Variants in CDK8 observed in about 807,000 individuals in gnomAD.
CDK8 encodes the protein cyclin dependent kinase 8, also known as cyclin-dependent kinase 8.
In CDK8, 29 loss-of-function variants were observed where a neutral mutation model predicts 71.5. The ratio of observed to expected loss-of-function variants is 0.41; its 90% CI spans 0.30 to 0.55. The LOEUF is 0.55. CDK8 is among the 20% of genes least tolerant of loss of function. The pLI is 0.37. For missense variants in CDK8, 288 were observed against 572.6 expected, an observed-to-expected ratio of 0.50 and a Z score of 5.07; for synonymous variants, 161 against 192.1, an observed-to-expected ratio of 0.84 and a Z score of 1.34.
chr13:26,277,179 T>G (rs1872591001), intron 1 of CDK8, among the ~76,000 whole-genome samples: 1 of 152,254 alleles, frequency 6.6e-6, no homozygotes, highest in South Asian at 2.1e-4. Context: ...AATGCTTTAG[T>G]GTACTGAGTT....
chr13:26,356,082 A>G (rs887358061), intron 4 of CDK8, among the ~76,000 whole-genome samples: 1 of 152,184 alleles, frequency 6.6e-6, no homozygotes, highest in African/African-American at 2.4e-5. Flanking sequence ...TAGGGGTAGT[A>G]TAGAACAGAT....
Position 26,294,965 on chromosome 13 carries a change from A to G in CDK8, c.128+40196A>G, listed in dbSNP as rs543934375. On this transcript the variant is annotated intron_variant, in intron 1 of 12. Coordinates refer to ENST00000381527, the MANE Select transcript of CDK8 (RefSeq NM_001260.3). ...GGGTTTCACCATGTTGGCCAGGATG[A>G]TCTCGATCCCTTGACCTCGTGATCT... 1.0e-3 allele frequency among the ~76,000 whole-genome samples: 152 copies of G among 152,038 alleles called. 1 individual carries two copies. The highest frequency in any genetic ancestry group is 3.5e-3 in the African/African-American group (144 of 41,494).
intron 6 of CDK8, among the ~76,000 whole-genome samples, chr13:26,391,137 TG>T (rs763894183): frequency 1.6e-3 from 246 of 151,902 alleles, no homozygotes; most frequent in African/African-American, 5.7e-3. Flanking sequence ...AAAGGAAGAA[TG>T]GTAAAATTGA....
chr13:26,360,781 A>G (rs1003014461), intron 4 of CDK8, among the ~76,000 whole-genome samples: 4 of 152,338 alleles, frequency 2.6e-5, no homozygotes, highest in East Asian at 1.9e-4. Context: ...ATGCTTATGC[A>G]TATCTACAGA....
rs1450379647 is a variant in CDK8, at chr13:26,404,062, A to T, written c.1376A>T (p.His459Leu). ...ATSQQPPQYS[H>L]QTHRY Reference sequence around the variant, plus strand: ...TCCCAGCAGCCTCCACAGTACTCACATCAGACACATCGGTACTGAGCTGCA... The same window carrying T: ...TCCCAGCAGCCTCCACAGTACTCACTTCAGACACATCGGTACTGAGCTGCA... Residue 459 changes from histidine to leucine, a missense_variant, in exon 13 of 13, where the codon CAT becomes CTT. Physicochemically the swap from His to Leu is moderately conservative, Grantham distance 99 (BLOSUM62 -3). Around this residue, in one of 6 missense-constraint regions of CDK8, gnomAD observed 76 missense variants for 99.7 expected, o/e 0.76. Coordinates refer to ENST00000381527, the MANE Select transcript of CDK8 (RefSeq NM_001260.3). 1 of 1,613,910 alleles carries T rather than the reference A, an allele frequency of 6.2e-7. No homozygotes were observed. The highest frequency in any genetic ancestry group is 8.5e-7 in the Non-Finnish European group (1 of 1,179,984).
intron 5 of CDK8, among the ~76,000 whole-genome samples, chr13:26,383,395 G>A (rs1875325539): frequency 6.6e-6 from 1 of 152,066 alleles, no homozygotes; most frequent in African/African-American, 2.4e-5. Context: ...AAAAAATAAT[G>A]GGCATTCTGT....
chr13:26,336,485 G>A (rs1872988452), intron 1 of CDK8, among the ~76,000 whole-genome samples: 2 of 151,744 alleles, frequency 1.3e-5, no homozygotes, highest in African/African-American at 4.8e-5. Context: ...AGAATAAAGG[G>A]GTTCTGGGAC....
chr13:26,385,162 T>C (rs1376186024), intron 5 of CDK8, 49 bp from the exon 6 acceptor site: 1 of 1,493,242 alleles, frequency 6.7e-7, no homozygotes, highest in Non-Finnish European at 9.2e-7. Context: ...ATTGGTTAGA[T>C]TTGTAAAAAT....
intron 1 of CDK8, among the ~76,000 whole-genome samples, chr13:26,327,073 C>T (rs911500506): frequency 6.6e-6 from 1 of 152,010 alleles, no homozygotes; most frequent in African/African-American, 2.4e-5. Context: ...ATACTGAAAT[C>T]TAGAAACAAA....
At chr13:26,381,932 C>A (rs1269350843) in intron 4 of CDK8, among the ~76,000 whole-genome samples, 1 of 152,148 alleles carries the variant, frequency 6.6e-6, no homozygotes, top group Non-Finnish European at 1.5e-5. Context: ...TGATTTATGT[C>A]AGTATCCGAA....
At chr13:26,329,233 G>GT (rs1275481153) in intron 1 of CDK8, among the ~76,000 whole-genome samples, 2 of 152,052 alleles carry the variant, frequency 1.3e-5, no homozygotes, top group African/African-American at 4.8e-5. Flanking sequence ...ACACTGCTCA[G>GT]TTTTTTAACC....
chr13:26,349,032 T>C (rs778066380), intron 2 of CDK8, 40 bp from the exon 3 acceptor site: 1 of 1,170,756 alleles, frequency 8.5e-7, no homozygotes, highest in South Asian at 1.2e-5. Flanking sequence ...TACATTATTT[T>C]TGTGACAGAA....
chr13:26,346,387 G>A (rs1873462473), intron 2 of CDK8, among the ~76,000 whole-genome samples: 1 of 152,214 alleles, frequency 6.6e-6, no homozygotes, highest in Admixed American at 6.5e-5. Context: ...AACTTTAAAT[G>A]TAGGTTTCTA....
chr13:26,355,826 C>T (rs1873872852), intron 4 of CDK8, among the ~76,000 whole-genome samples: 1 of 152,002 alleles, frequency 6.6e-6, no homozygotes, highest in African/African-American at 2.4e-5. Context: ...GTCAGTTATG[C>T]TAAGATAGCT....
intron 1 of CDK8, among the ~76,000 whole-genome samples, chr13:26,293,601 CAAAAAAAAA>C (rs56727160): frequency 1.9e-5 from 2 of 103,828 alleles, no homozygotes; most frequent in East Asian, 5.9e-4. Context: ...GAGACTGTCT[CAAAAAAAAA>C]AAAAAAAAAA....
At chr13:26,290,804 A>G (rs953585217) in intron 1 of CDK8, among the ~76,000 whole-genome samples, 8 of 145,178 alleles carry the variant, frequency 5.5e-5, no homozygotes, top group African/African-American at 2.3e-4. Context: ...GTTTGCAAAA[A>G]ACAAACAAAC....
intron 1 of CDK8, among the ~76,000 whole-genome samples, chr13:26,328,784 T>G (rs1205159183): frequency 6.6e-6 from 1 of 152,224 alleles, no homozygotes; most frequent in Admixed American, 6.5e-5. Context: ...TTGGAAATTA[T>G]GTCTTTCAAT....
chr13:26,286,006 A>G (rs1873001148), intron 1 of CDK8, among the ~76,000 whole-genome samples: 1 of 152,266 alleles, frequency 6.6e-6, no homozygotes. Flanking sequence ...GAAAGAAATC[A>G]TAGATGACTC....
chr13:26,266,600 G>A (rs1872030391), intron 1 of CDK8, among the ~76,000 whole-genome samples: 1 of 152,184 alleles, frequency 6.6e-6, no homozygotes, highest in Non-Finnish European at 1.5e-5. Context: ...GGGAGATAAA[G>A]AAGTGTCTGG....
Sources: gnomAD v4.1 joint callset for allele counts (sites outside exome capture counted in the v4.1 genomes callset) on GRCh38, gnomAD v4.1.1 for gene constraint, gnomAD v4.1.1 regional missense constraint, MANE v1.5 for transcripts, NCBI Gene and HGNC (gene_info 2026-07-23, HGNC 2026-07-21) for gene names.